Variants in CASP9 observed in about 807,000 individuals in gnomAD.
CASP9 encodes the protein caspase 9.
CASP9 carries 29 observed loss-of-function variants against 43.5 expected under a neutral mutation model. The ratio of observed to expected loss-of-function variants is 0.67; its 90% CI spans 0.50 to 0.91. The LOEUF is 0.91. CASP9 is among the 40% of genes least tolerant of loss of function. The probability of loss-of-function intolerance (pLI) is 0.00; values close to 1 mark genes in which losing one functional copy is unlikely to be tolerated. For synonymous variants in CASP9, 206 were observed against 211.9 expected (o/e 0.97, Z 0.24); for missense variants, 575 against 537.4 (o/e 1.07, Z -0.69).
At chr1:15,516,697 C>A (rs914644095) in intron 2 of CASP9, among the ~76,000 whole-genome samples, 1 of 151,928 alleles carries the variant, frequency 6.6e-6, no homozygotes. Flanking sequence ...GGAACAAGTA[C>A]CCTTTAACAC....
chr1:15,513,896 G>A (rs1173475550), intron 2 of CASP9, among the ~76,000 whole-genome samples: 1 of 152,162 alleles, frequency 6.6e-6, no homozygotes, highest in Non-Finnish European at 1.5e-5. Flanking sequence ...TTCCCCATCT[G>A]TATTACAGGA....
intron 2 of CASP9, among the ~76,000 whole-genome samples, chr1:15,514,376 T>C (rs544045906): frequency 4.9e-4 from 75 of 152,298 alleles, no homozygotes; most frequent in Non-Finnish European, 9.7e-4. Flanking sequence ...CCCATACATA[T>C]GAATACACAG....
intron 1 of CASP9, among the ~76,000 whole-genome samples, chr1:15,521,156 CAAAAAA>C (rs34870949): frequency 2.5e-5 from 2 of 81,226 alleles, no homozygotes. Flanking sequence ...GACTCCGTCT[CAAAAAA>C]AAAAAAAAAA....
chr1:15,504,733 G>A lies in CASP9; in HGVS notation c.746C>T (p.Ala249Val). ...CQASHLQFPG[A>V]VYGTDGCPVS... ...AGGGCATCCATCTGTGCCGTAGACA[G>A]CCCCTGGGAACTGCAGGTGGCTGGC... is the stretch of plus-strand genomic sequence containing the variant. The change falls in exon 6 of 9, where the codon GCT becomes GTT. Residue 249 changes from alanine (A) to valine (V), a missense_variant. Transcript: ENST00000333868. 6.2e-7 allele frequency: 1 copy of A among 1,613,808 alleles called. No individual in the cohort carries two copies. Among genetic ancestry groups the A allele is most frequent in the Non-Finnish European group, 8.5e-7 (1 of 1,179,870 alleles).
chr1:15,507,892 A>C lies in CASP9; in HGVS notation c.434T>G (p.Leu145Trp). ...ACTCACCAAATCTGCATTTCCCCTC[A>C]AACTCTCAAGAGCACCTGAAGAGGC... ...GFGDVGALESLRGNADLAYIL... is the reference protein window; with the variant it reads ...GFGDVGALESWRGNADLAYIL... The change falls in exon 3 of 9, where the codon TTG becomes TGG. Residue 145 changes from leucine (L) to tryptophan (W), a missense_variant. Transcript: ENST00000333868. 1.2e-6 allele frequency: 2 copies of C among 1,614,176 alleles called. No homozygotes were observed. The highest frequency in any genetic ancestry group is 8.5e-7 in the Non-Finnish European group (1 of 1,180,012).
chr1:15,513,592 C>T (rs2103364933), intron 2 of CASP9, among the ~76,000 whole-genome samples: 1 of 152,278 alleles, frequency 6.6e-6, no homozygotes, highest in Non-Finnish European at 1.5e-5. Flanking sequence ...TGAATAAAGA[C>T]CAAATTAGGC....
intron 6 of CASP9, among the ~76,000 whole-genome samples, chr1:15,497,657 A>ATAT (rs61225523): frequency 6.6e-5 from 10 of 150,582 alleles, no homozygotes; most frequent in African/African-American, 2.5e-4. Flanking sequence ...AAAAAAAAAA[A>ATAT]AGATATAAAT....
At chr1:15,524,001 C>A (rs1710326061) in intron 1 of CASP9, 68 bp downstream of exon 1, 2 of 1,217,974 alleles carry the variant, frequency 1.6e-6, no homozygotes, top group Middle Eastern at 2.7e-4. Flanking sequence ...TAGGCTCCCG[C>A]ACAACGCCTC....
chr1:15,513,310 CATA>C (rs1709834968), intron 2 of CASP9, among the ~76,000 whole-genome samples: 1 of 152,152 alleles, frequency 6.6e-6, no homozygotes, highest in Non-Finnish European at 1.5e-5. Context: ...GTTTTATACA[CATA>C]CACACACCCC....
chr1:15,521,619 G>T (rs1223878463), intron 1 of CASP9, among the ~76,000 whole-genome samples: 1 of 152,204 alleles, frequency 6.6e-6, no homozygotes, highest in African/African-American at 2.4e-5. Context: ...CCTGTCCTAT[G>T]ATCACGTGAC....
Position 15,518,347 on chromosome 1 carries a change from C to G in CASP9, c.181G>C (p.Asp61His). Reference sequence around the variant, plus strand: ...GCCTGACTCCCTCGAGTCTCCAGATCTATGATCAGCTGCCTGGCCTGATCC... The same window carrying G: ...GCCTGACTCCCTCGAGTCTCCAGATGTATGATCAGCTGCCTGGCCTGATCC... Reference protein sequence around the residue: ...RRDQARQLIIDLETRGSQALP... With the variant: ...RRDQARQLIIHLETRGSQALP... Residue 61 changes from aspartate to histidine, a missense_variant, in exon 2 of 9, where the codon GAT (aspartate) becomes CAT (histidine). By Grantham distance (81) the Asp-to-His change is moderately conservative (BLOSUM62 -1). Coordinates refer to ENST00000333868, the MANE Select transcript of CASP9 (RefSeq NM_001229.5). 1.9e-6 allele frequency: 3 copies of G among 1,614,032 alleles called. No individual in the cohort carries two copies. Among genetic ancestry groups the G allele is most frequent in the Non-Finnish European group, 2.5e-6 (3 of 1,180,002 alleles).
At chr1:15,506,832 T>C (rs1160815437) in intron 4 of CASP9, 67 bp downstream of exon 4, 5 of 1,374,582 alleles carry the variant, frequency 3.6e-6, no homozygotes, top group Non-Finnish European at 5.1e-6. Flanking sequence ...GCTTTTGGAG[T>C]CCCTCAAAAG....
chr1:15,518,874 G>GTT (rs67264894), intron 1 of CASP9, among the ~76,000 whole-genome samples: 5 of 148,714 alleles, frequency 3.4e-5, no homozygotes, highest in Admixed American at 6.8e-5. Context: ...TTTTGTTTTT[G>GTT]TTTTTTTTTT....
In CASP9 at chr1:15,492,990, C is replaced by T. The variant is rs756717047; in HGVS notation, c.1204G>A (p.Gly402Ser). 1.2e-6 allele frequency: 2 copies of T among 1,614,022 alleles called. No homozygotes were observed. The highest frequency in any genetic ancestry group is 2.2e-5 in the South Asian group (2 of 91,078). The change falls in exon 9 of 9, where the codon GGT becomes AGT. Residue 402 changes from glycine to serine, a missense_variant. By Grantham distance (56) the Gly-to-Ser change is moderately conservative. Transcript: ENST00000333868. The part of the protein sequence containing the change: ...SVKGIYKQMP[G>S]CFNFLRKKLF... ...TTTTTCCGGAGGAAATTAAAGCAAC[C>T]AGGCATCTGTTTATAAATCCCTTTC... is the stretch of plus-strand genomic sequence containing the variant.
At position 15,492,916 on chromosome 1, in the gene CASP9, G is replaced by C. The variant is rs1557530866; in HGVS notation, c.*27C>G. On this transcript the variant is annotated 3_prime_UTR_variant, in exon 9 of 9. Transcript: ENST00000333868. ...GGGGCAGGAAAGCTTTGGGGTGCAA[G>C]ATAAGGCAGGGTGAGGGGCCCTGGC... is the stretch of plus-strand genomic sequence containing the variant. 2.5e-6 allele frequency: 4 copies of C among 1,612,220 alleles called. No homozygotes were observed. Among genetic ancestry groups the C allele is most frequent in the Admixed American group, 1.7e-5 (1 of 59,992 alleles).
At chr1:15,507,779 TG>T in intron 3 of CASP9, 93 bp downstream of exon 3, 2 of 1,293,232 alleles carry the variant, frequency 1.5e-6, no homozygotes, top group Non-Finnish European at 2.2e-6. Context: ...TTGGGTTCCC[TG>T]GGCTCCTGAC....
At chr1:15,505,778 C>G (rs1709494413) in intron 5 of CASP9, among the ~76,000 whole-genome samples, 1 of 152,204 alleles carries the variant, frequency 6.6e-6, no homozygotes, top group Non-Finnish European at 1.5e-5. Context: ...GAGGGCTTCT[C>G]CCAGGAACAC....
Position 15,518,293 on chromosome 1 carries a change from C to G in CASP9, c.235G>C (p.Asp79His), listed in dbSNP as rs745486934. The G allele has an allele frequency of 2.5e-6, 4 of 1,614,222 alleles. No homozygotes were observed. The Admixed American group carries it at 5.0e-5, about 20-fold the overall frequency. ...ALPLFISCLE[D>H]TGQDMLASFL... ...GAAGCCAGCATGTCCTGGCCTGTGT[C>G]CTCTAAGCAGGAGATGAACAAAGGA... The change falls in exon 2 of 9, where the codon GAC becomes CAC. Residue 79 changes from aspartate (D) to histidine (H), a missense_variant. Asp to His is a moderately conservative substitution (Grantham distance 81). Transcript: ENST00000333868.
rs527915650 is a variant in CASP9, at chr1:15,495,945, T to C, written c.869-493A>G. ...CAAATTCACTGAGCCAGACAAATGC[T>C]TGAATGACTATTTCCCCCTACCCTG... On this transcript the variant is annotated intron_variant, in intron 6 of 8. Coordinates refer to ENST00000333868, the MANE Select transcript of CASP9 (RefSeq NM_001229.5). Among the ~76,000 whole-genome samples the C allele has an allele frequency of 2.0e-5, 3 of 152,344 alleles. No individual in the cohort carries two copies. In the South Asian group the frequency reaches 6.2e-4, roughly 32 times the overall value.
Sources: allele counts gnomAD v4.1 joint callset (sites outside exome capture counted in the v4.1 genomes callset), GRCh38; gene constraint gnomAD v4.1.1; transcripts MANE v1.5; gene names NCBI Gene and HGNC (gene_info 2026-07-23, HGNC 2026-07-21).